TMPRSS11A: variants seen among roughly 807,000 people sequenced by gnomAD.
The protein encoded by TMPRSS11A is transmembrane protease serine 11A.
A neutral mutation model predicts 58.9 loss-of-function variants in TMPRSS11A; 53 were observed. The observed-to-expected ratio is 0.90, with a 90% CI of 0.72 to 1.13. The LOEUF (loss-of-function observed/expected upper bound fraction) is 1.13, where lower values mean the gene tolerates loss of function less well. TMPRSS11A is among the 50% of genes most tolerant of loss of function. TMPRSS11A has a pLI of 0.00. For synonymous variants in TMPRSS11A, 167 were observed against 169.8 expected (o/e 0.98, Z 0.13); for missense variants, 493 against 499.3 (o/e 0.99, Z 0.12).
chr4:67,944,953 T>C (rs894178930), intron 2 of TMPRSS11A, among the ~76,000 whole-genome samples: 3 of 152,190 alleles, frequency 2.0e-5, no homozygotes, highest in African/African-American at 7.2e-5. Flanking sequence ...AGTAAATTGT[T>C]CTGTAACTAG....
intron 5 of TMPRSS11A, among the ~76,000 whole-genome samples, chr4:67,929,361 T>C (rs1484787968): frequency 4.6e-5 from 7 of 152,198 alleles, no homozygotes; most frequent in African/African-American, 1.7e-4. Flanking sequence ...TCAGTGATGT[T>C]TTCCTAGACT....
chr4:67,933,232 C>T (rs1359149753), intron 3 of TMPRSS11A, among the ~76,000 whole-genome samples: 1 of 152,060 alleles, frequency 6.6e-6, no homozygotes, highest in Non-Finnish European at 1.5e-5. Flanking sequence ...TATTTGTTAT[C>T]TTCTTTAACT....
chr4:67,951,087 A>G (rs1339599363), intron 1 of TMPRSS11A, among the ~76,000 whole-genome samples: 2 of 152,226 alleles, frequency 1.3e-5, no homozygotes, highest in African/African-American at 2.4e-5. Flanking sequence ...ATCCTTATTC[A>G]CAGTAACACA....
chr4:67,962,758 A>C (rs1174737881), intron 1 of TMPRSS11A, among the ~76,000 whole-genome samples: 1 of 152,232 alleles, frequency 6.6e-6, no homozygotes, highest in Non-Finnish European at 1.5e-5. Context: ...TGCACATGGC[A>C]TACCCCATTT....
At chr4:67,941,966 A>T (rs1414973295) in intron 3 of TMPRSS11A, among the ~76,000 whole-genome samples, 1 of 152,212 alleles carries the variant, frequency 6.6e-6, no homozygotes, top group African/African-American at 2.4e-5. Flanking sequence ...CAGTGTCCAC[A>T]ACCAACACAC....
intron 8 of TMPRSS11A, among the ~76,000 whole-genome samples, chr4:67,918,257 A>G (rs1720214518): frequency 6.6e-6 from 1 of 152,208 alleles, no homozygotes; most frequent in Non-Finnish European, 1.5e-5. Flanking sequence ...TAGAATCCAG[A>G]GCGTGTCTCA....
intron 1 of TMPRSS11A, among the ~76,000 whole-genome samples, chr4:67,961,374 A>T (rs1721414897): frequency 6.6e-6 from 1 of 151,994 alleles, no homozygotes; most frequent in Non-Finnish European, 1.5e-5. Flanking sequence ...TCCAAATCCT[A>T]AATTAATATT....
At position 67,917,991 on chromosome 4, in the gene TMPRSS11A, C is replaced by G. The variant is rs369910841; in HGVS notation, c.952+982G>C. Among the ~76,000 whole-genome samples the G allele has an allele frequency of 4.6e-4, 70 of 152,254 alleles. 1 individual carries two copies. In the South Asian group the frequency reaches 0.012, roughly 26 times the overall value. ...CACTCTGTATAAGATAAAACAAAAC[C>G]ACATGGGACATCTGGAAAAAATCTA... On this transcript the variant is annotated intron_variant, in intron 8 of 9. Coordinates refer to ENST00000508048, the MANE Select transcript of TMPRSS11A (RefSeq NM_001114387.2).
intron 3 of TMPRSS11A, among the ~76,000 whole-genome samples, chr4:67,943,138 TACTTA>T (rs1720919065): frequency 6.6e-6 from 1 of 152,172 alleles, no homozygotes; most frequent in Non-Finnish European, 1.5e-5. Flanking sequence ...AATGTGTCCT[TACTTA>T]ACTTAGCCTT....
chr4:67,915,763 C>G (rs1239639010), intron 8 of TMPRSS11A, among the ~76,000 whole-genome samples: 2 of 152,170 alleles, frequency 1.3e-5, no homozygotes, highest in Non-Finnish European at 2.9e-5. Context: ...AAAGGAGCCA[C>G]AGATGTGGCC....
intron 3 of TMPRSS11A, among the ~76,000 whole-genome samples, chr4:67,932,580 C>T (rs749339344): frequency 1.3e-4 from 20 of 152,238 alleles, no homozygotes; most frequent in Non-Finnish European, 2.8e-4. Context: ...ATCTGCTACT[C>T]ATAAGGCTAT....
chr4:67,920,550 T>TATA (rs374550125), intron 7 of TMPRSS11A, among the ~76,000 whole-genome samples: 3,851 of 58,440 alleles, frequency 0.066, 54 homozygotes, highest in African/African-American at 0.083. Flanking sequence ...TATATATATA[T>TATA]TTTTTTTTAT....
intron 8 of TMPRSS11A, among the ~76,000 whole-genome samples, chr4:67,916,758 C>T (rs1447854367): frequency 6.6e-6 from 1 of 151,842 alleles, no homozygotes; most frequent in South Asian, 2.1e-4. Flanking sequence ...ACCCGGGAGG[C>T]GGAGTTTGCA....
intron 7 of TMPRSS11A, among the ~76,000 whole-genome samples, chr4:67,920,527 T>TTATATATATATATATATATATA (rs1180319358): frequency 1.5e-4 from 20 of 132,708 alleles, no homozygotes; most frequent in African/African-American, 5.3e-4. Flanking sequence ...AATGAGGTAA[T>TTATATATATATATATATATATA]TATATATATA....
chr4:67,913,283 C>T (rs555375486), intron 9 of TMPRSS11A, among the ~76,000 whole-genome samples: 9 of 152,216 alleles, frequency 5.9e-5, no homozygotes, highest in African/African-American at 2.2e-4. Flanking sequence ...GTCATGAGGG[C>T]TCTGGAGAGA....
chr4:67,917,711 A>G (rs1406358502), intron 8 of TMPRSS11A, among the ~76,000 whole-genome samples: 1 of 152,136 alleles, frequency 6.6e-6, no homozygotes, highest in African/African-American at 2.4e-5. Context: ...GCGCATTATG[A>G]CAGGTATGTT....
chr4:67,931,745 T>C (rs1419539980), intron 4 of TMPRSS11A, among the ~76,000 whole-genome samples: 6 of 152,222 alleles, frequency 3.9e-5, no homozygotes, highest in Admixed American at 2.0e-4. Context: ...TGATTCCTGG[T>C]TCTGTCACTT....
At chr4:67,955,714 A>G (rs1344841180) in intron 1 of TMPRSS11A, among the ~76,000 whole-genome samples, 6 of 152,014 alleles carry the variant, frequency 3.9e-5, no homozygotes, top group Non-Finnish European at 8.8e-5. Flanking sequence ...GGCCTCTACT[A>G]TATCTTAGGT....
chr4:67,917,647 G>C (rs1029952877), intron 8 of TMPRSS11A, among the ~76,000 whole-genome samples: 18 of 152,098 alleles, frequency 1.2e-4, no homozygotes, highest in African/African-American at 2.4e-4. Flanking sequence ...AAGAGAGGCC[G>C]TGTTCAAGTA....
Sources: allele counts gnomAD v4.1 joint callset (sites outside exome capture counted in the v4.1 genomes callset), GRCh38; gene constraint gnomAD v4.1.1; transcripts MANE v1.5; gene names NCBI Gene and HGNC (gene_info 2026-07-23, HGNC 2026-07-21).